ARHGAP6: variants seen among roughly 807,000 people sequenced by gnomAD.
ARHGAP6 encodes the protein rho GTPase-activating protein 6.
Under a neutral mutation model 55.7 loss-of-function variants are expected in ARHGAP6, and 16 were observed. The observed-to-expected ratio is 0.29, with a 90% confidence interval of 0.19 to 0.44. The LOEUF is 0.44. Ranked by LOEUF, ARHGAP6 falls within the 20% of genes least tolerant of loss-of-function variation. The probability of loss-of-function intolerance (pLI) is 1.00; values close to 1 mark genes in which losing one functional copy is unlikely to be tolerated. For synonymous variants in ARHGAP6, 382 were observed against 360.9 expected, an observed-to-expected ratio of 1.06 and a Z score of -0.66; for missense variants, 698 against 808.9, an observed-to-expected ratio of 0.86 and a Z score of 1.66.
intron 1 of ARHGAP6, among the ~76,000 whole-genome samples, chrX:11,428,794 A>C (rs991382668): frequency 2.7e-5 from 3 of 111,977 alleles, no homozygotes; most frequent in African/African-American, 9.8e-5. Flanking sequence ...CTGGCATGTA[A>C]TATTTTAAAA....
At chrX:11,418,939 C>T (rs769848571) in intron 1 of ARHGAP6, among the ~76,000 whole-genome samples, 3 of 112,110 alleles carry the variant, frequency 2.7e-5, no homozygotes, top group Non-Finnish European at 5.6e-5. Context: ...ACCGACCCCC[C>T]CTCCCGCCAG....
At chrX:11,413,867 A>G (rs915268547) in intron 1 of ARHGAP6, among the ~76,000 whole-genome samples, 1 of 112,264 alleles carries the variant, frequency 8.9e-6, no homozygotes, top group African/African-American at 3.2e-5. Flanking sequence ...TTCAGACACT[A>G]TACTTGCAGA....
intron 1 of ARHGAP6, among the ~76,000 whole-genome samples, chrX:11,557,395 G>GCA (rs1203028246): frequency 3.6e-5 from 4 of 110,578 alleles, no homozygotes; most frequent in Non-Finnish European, 7.6e-5. Context: ...CCAACAGGCT[G>GCA]CACGTTTTAC....
chrX:11,231,499 C>T (rs976583142), intron 2 of ARHGAP6, among the ~76,000 whole-genome samples: 2 of 112,294 alleles, frequency 1.8e-5, no homozygotes, highest in African/African-American at 6.5e-5. Flanking sequence ...TCTTTTGCCT[C>T]CCTGCCTCTT....
At chrX:11,579,551 C>T (rs2051641054) in intron 1 of ARHGAP6, among the ~76,000 whole-genome samples, 1 of 112,119 alleles carries the variant, frequency 8.9e-6, no homozygotes, top group Non-Finnish European at 1.9e-5. Context: ...TTAACTAACT[C>T]TATCAATAAA....
In ARHGAP6 at chrX:11,483,421, C is replaced by G. The variant is rs184550011; in HGVS notation, c.588+180820G>C. Among the ~76,000 whole-genome samples the G allele has an allele frequency of 2.0e-3, 222 of 111,741 alleles. 1 individual carries two copies. Among genetic ancestry groups the G allele is most frequent in the Non-Finnish European group, 3.6e-3 (191 of 53,099 alleles). ...CCACTGGGGGTTTTAGAGTAGAGATCTTCTATCCCCCAAAATAAGAGTGTT... is the reference window on the plus strand; with the variant it reads ...CCACTGGGGGTTTTAGAGTAGAGATGTTCTATCCCCCAAAATAAGAGTGTT... On this transcript the variant is annotated intron_variant, in intron 1 of 12. Transcript: ENST00000337414.
At chrX:11,185,057 G>T (rs2046368277) in intron 5 of ARHGAP6, among the ~76,000 whole-genome samples, 2 of 111,688 alleles carry the variant, frequency 1.8e-5, no homozygotes, top group Non-Finnish European at 3.8e-5. Flanking sequence ...TAAAGGTACA[G>T]TAAAAATACA....
intron 9 of ARHGAP6, among the ~76,000 whole-genome samples, chrX:11,168,556 T>C (rs769260065): frequency 9.0e-6 from 1 of 111,584 alleles, no homozygotes; most frequent in South Asian, 3.9e-4. Context: ...ATAAATCTAA[T>C]GCAAAGCACT....
intron 1 of ARHGAP6, among the ~76,000 whole-genome samples, chrX:11,275,386 T>C (rs1400500545): frequency 1.8e-5 from 2 of 111,926 alleles, no homozygotes; most frequent in African/African-American, 6.5e-5. Context: ...GTGGTTCAAA[T>C]ACATCAGTAT....
intron 9 of ARHGAP6, among the ~76,000 whole-genome samples, chrX:11,160,972 A>G (rs1168639877): frequency 1.8e-5 from 2 of 112,755 alleles, no homozygotes; most frequent in African/African-American, 6.4e-5. Flanking sequence ...CTACAGTTGT[A>G]TATAATTCAT....
chrX:11,364,528 G>C (rs5935039), intron 1 of ARHGAP6, among the ~76,000 whole-genome samples: 6,207 of 110,170 alleles, frequency 0.056, 198 homozygotes, highest in African/African-American at 0.12. Context: ...TCAACCTTCC[G>C]CCACGTGACC....
At chrX:11,225,132 A>T (rs2047028877) in intron 2 of ARHGAP6, among the ~76,000 whole-genome samples, 1 of 110,385 alleles carries the variant, frequency 9.1e-6, no homozygotes, top group South Asian at 3.9e-4. Context: ...TGCTATTATT[A>T]TTATTACGGG....
At chrX:11,406,015 C>T (rs756455191) in intron 1 of ARHGAP6, among the ~76,000 whole-genome samples, 6 of 111,190 alleles carry the variant, frequency 5.4e-5, no homozygotes, top group East Asian at 2.8e-4. Flanking sequence ...GTGATCCTCC[C>T]GCCTCAGCTT....
intron 1 of ARHGAP6, among the ~76,000 whole-genome samples, chrX:11,654,724 G>A (rs1021408890): frequency 9.0e-6 from 1 of 111,300 alleles, no homozygotes; most frequent in Non-Finnish European, 1.9e-5. Context: ...GCTGGCTGCC[G>A]ACGACTCTGT....
intron 1 of ARHGAP6, among the ~76,000 whole-genome samples, chrX:11,312,085 A>T (rs950791097): frequency 1.7e-4 from 19 of 112,245 alleles, no homozygotes; most frequent in Admixed American, 4.7e-4. Context: ...AAATACTGTA[A>T]ATAAATGATT....
At chrX:11,390,705 A>G (rs755662015) in intron 1 of ARHGAP6, among the ~76,000 whole-genome samples, 14 of 112,561 alleles carry the variant, frequency 1.2e-4, no homozygotes, top group African/African-American at 3.2e-4. Context: ...CAATACACAC[A>G]TGACAAAATG....
At chrX:11,584,914 G>T (rs1328878335) in intron 1 of ARHGAP6, among the ~76,000 whole-genome samples, 1 of 111,756 alleles carries the variant, frequency 8.9e-6, no homozygotes, top group Non-Finnish European at 1.9e-5. Flanking sequence ...GAGGCTTGTT[G>T]TACAAGCCCC....
At chrX:11,341,681 C>T (rs899377869) in intron 1 of ARHGAP6, among the ~76,000 whole-genome samples, 3 of 112,026 alleles carry the variant, frequency 2.7e-5, no homozygotes, top group African/African-American at 6.5e-5. Flanking sequence ...GGCTGTTACA[C>T]ACAGGGAATT....
At chrX:11,655,327 G>A (rs1415185076) in intron 1 of ARHGAP6, among the ~76,000 whole-genome samples, 1 of 112,183 alleles carries the variant, frequency 8.9e-6, no homozygotes, top group African/African-American at 3.2e-5. Context: ...TGGCTATTAT[G>A]AATACTGCTG....
Sources: gnomAD v4.1 joint callset for allele counts (sites outside exome capture counted in the v4.1 genomes callset) on GRCh38, gnomAD v4.1.1 for gene constraint, MANE v1.5 for transcripts, NCBI Gene and HGNC (gene_info 2026-07-23, HGNC 2026-07-21) for gene names.